The following NLRP13 variants were observed in gnomAD, a reference collection of about 807,000 sequenced individuals.
The protein encoded by NLRP13 is NACHT, LRR and PYD domains-containing protein 13.
In NLRP13, 82 loss-of-function variants were observed where a neutral mutation model predicts 94.4. The observed-to-expected ratio is 0.87, with a 90% CI of 0.73 to 1.04. NLRP13 has a LOEUF of 1.04. NLRP13 is among the 50% of genes least tolerant of loss of function. The pLI is 0.00. For synonymous variants in NLRP13, 553 were observed against 464.7 expected (o/e 1.19, Z -2.45); for missense variants, 1,426 against 1,230.8 (o/e 1.16, Z -2.37).
rs572719690 is a variant in NLRP13 at position 55,919,326 on chromosome 19, A to G, written c.523+4588T>C. Among the ~76,000 whole-genome samples, 4 of 152,224 alleles carry G rather than the reference A, an allele frequency of 2.6e-5. No homozygotes were observed. In the South Asian group the frequency reaches 8.3e-4, roughly 32 times the overall value. ...GAACTGGAACAAGACAAGGATGCCC[A>G]CTTTCACCACTCCTATTCAACACAA... On this transcript the variant is annotated intron_variant, in intron 4 of 10. Coordinates refer to ENST00000342929, the MANE Select transcript of NLRP13 (RefSeq NM_176810.2).
At chr19:55,906,720 C>T (rs944865688) in intron 7 of NLRP13, among the ~76,000 whole-genome samples, 5 of 150,064 alleles carry the variant, frequency 3.3e-5, no homozygotes, top group East Asian at 2.0e-4. Context: ...CGAGACAGAC[C>T]GTTACTCTTT....
downstream of NLRP13, among the ~76,000 whole-genome samples, chr19:55,892,500 C>T (rs1225616540): frequency 1.3e-5 from 2 of 152,166 alleles, no homozygotes; most frequent in African/African-American, 2.4e-5. Flanking sequence ...CGGCTCACTG[C>T]ACCCTCCACC....
chr19:55,930,294 G>T (rs990204650), intron 1 of NLRP13, among the ~76,000 whole-genome samples: 2 of 152,164 alleles, frequency 1.3e-5, no homozygotes, highest in Non-Finnish European at 2.9e-5. Context: ...AGCTGTCTGT[G>T]CCTCAGTTTC....
At position 55,898,933 on chromosome 19, in the gene NLRP13, A is replaced by G. The variant is rs1412057428; in HGVS notation, c.2794T>C (p.Ser932Pro). Residue 932 changes from serine (S) to proline (P), a missense_variant, in exon 10 of 11, where the codon TCA becomes CCA. By Grantham distance (74) the Ser-to-Pro change is moderately conservative. Coordinates refer to ENST00000342929, the MANE Select transcript of NLRP13 (RefSeq NM_176810.2). ...CCCTCTCTTGTGAAAGAACAACCTG[A>G]CAAACTGCAAAATAAAAACATACAA... ...PDGNLQSLNL[S>P]GCSFTREGCG... 1.2e-6 allele frequency: 2 copies of G among 1,606,656 alleles called. No individual in the cohort carries two copies. Among genetic ancestry groups the G allele is most frequent in the African/African-American group, 2.7e-5 (2 of 74,406 alleles).
chr19:55,899,716 G>A lies in NLRP13; in HGVS notation c.2790-779C>T, dbSNP rs1986113520. ...AATAGCTTAAACCCGGGAGGTGGAG[G>A]TTGCAGTGAGCCGAGATTGCACCAT... On this transcript the variant is annotated intron_variant, in intron 9 of 10. Coordinates refer to ENST00000342929, the MANE Select transcript of NLRP13 (RefSeq NM_176810.2). Among the ~76,000 whole-genome samples the A allele has an allele frequency of 7.2e-5, 11 of 152,252 alleles. No homozygotes were observed. In the South Asian group the frequency reaches 2.3e-3, roughly 32 times the overall value.
intron 6 of NLRP13, 36 bp downstream of exon 6, chr19:55,910,527 G>C (rs754449168): frequency 1.2e-5 from 18 of 1,525,918 alleles, no homozygotes; most frequent in Non-Finnish European, 1.5e-5. Context: ...GATTCTCCTA[G>C]GGTATCTTCT....
chr19:55,892,531 C>T (rs1395757942), downstream of NLRP13, among the ~76,000 whole-genome samples: 1 of 152,132 alleles, frequency 6.6e-6, no homozygotes, highest in Non-Finnish European at 1.5e-5. Flanking sequence ...CAGCGATTCT[C>T]CTGCCTTAGG....
chr19:55,899,476 A>ACC lies in NLRP13; in HGVS notation c.2790-541_2790-540dup, dbSNP rs200194920. 1.5e-4 allele frequency among the ~76,000 whole-genome samples: 22 copies of ACC among 148,326 alleles called. 1 individual carries two copies. The highest frequency in any genetic ancestry group is 2.5e-4 in the African/African-American group (10 of 40,320). ...AGAGTCATCCAAAATCCTTAAACCC[A>ACC]CCCCCCCCATCCCAAAAAGGTTTGG... On this transcript the variant is annotated intron_variant, in intron 9 of 10. Transcript: ENST00000342929.
Position 55,898,788 on chromosome 19 carries a change from C to G in NLRP13, c.2939G>C (p.Arg980Pro). Residue 980 changes from arginine to proline, a missense_variant, in exon 10 of 11, where the codon CGT (arginine) becomes CCT (proline). Physicochemically the swap from Arg to Pro is moderately radical, Grantham distance 103. Transcript: ENST00000342929. Reference protein sequence around the residue: ...KLLCEALKPHRALHTLGLAKC... With the variant: ...KLLCEALKPHPALHTLGLAKC... ...AACTCACCCAAGTGTGTGCAATGCA[C>G]GATGTGGTTTCAGAGCCTCACACAG... 1.2e-6 allele frequency: 2 copies of G among 1,609,896 alleles called. No individual in the cohort carries two copies. The highest frequency in any genetic ancestry group is 1.7e-6 in the Non-Finnish European group (2 of 1,178,304).
intron 4 of NLRP13, among the ~76,000 whole-genome samples, chr19:55,919,125 T>C (rs1386724126): frequency 6.6e-6 from 1 of 152,110 alleles, no homozygotes; most frequent in African/African-American, 2.4e-5. Context: ...AAAAACTATA[T>C]GATCATCTCT....
At chr19:55,910,853 G>A (rs936884231) in intron 5 of NLRP13, 120 bp from the exon 6 acceptor site, 30 of 919,374 alleles carry the variant, frequency 3.3e-5, no homozygotes, top group Non-Finnish European at 4.8e-5. Context: ...TCCTAATGTG[G>A]CTGGGTGCAG....
At chr19:55,925,103 C>T in intron 1 of NLRP13, 68 bp from the exon 2 acceptor site, 1 of 1,396,334 alleles carries the variant, frequency 7.2e-7, no homozygotes, top group Non-Finnish European at 1.0e-6. Context: ...ATAATGGAGT[C>T]TCTCAGTAGA....
chr19:55,912,398 A>C lies in NLRP13; in HGVS notation c.1419T>G (p.Asp473Glu), dbSNP rs1246773525. Residue 473 changes from aspartate to glutamate, a missense_variant, in exon 5 of 11, where the codon GAT becomes GAG. Physicochemically the swap from Asp to Glu is conservative, Grantham distance 45 (BLOSUM62 2). Coordinates refer to ENST00000342929, the MANE Select transcript of NLRP13 (RefSeq NM_176810.2). ...LFSTAEVDLA[D>E]DSWPGQWRAL... The stretch of plus-strand genomic sequence containing the variant: ...CCCTCCATTGTCCTGGCCAGCTGTC[A>C]TCTGCCAAATCTACCTCTGCTGTGG... The C allele has an allele frequency of 6.2e-7, 1 of 1,614,124 alleles. No homozygotes were observed. Among genetic ancestry groups the C allele is most frequent in the South Asian group, 1.1e-5 (1 of 91,078 alleles).
At chr19:55,901,420 G>GGGAGAGA (rs1986169287) in intron 9 of NLRP13, among the ~76,000 whole-genome samples, 2 of 152,268 alleles carry the variant, frequency 1.3e-5, no homozygotes, top group South Asian at 4.2e-4. Context: ...GGGAGAGTAA[G>GGGAGAGA]GGAGAGAGGG....
At chr19:55,904,166 C>T (rs1986270033) in intron 8 of NLRP13, among the ~76,000 whole-genome samples, 1 of 152,188 alleles carries the variant, frequency 6.6e-6, no homozygotes, top group South Asian at 2.1e-4. Flanking sequence ...GATCTCAGCT[C>T]ACTGAAACCT....
intron 8 of NLRP13, 59 bp from the exon 9 acceptor site, chr19:55,902,264 T>TGTTTTTAA: frequency 6.6e-7 from 1 of 1,507,770 alleles, no homozygotes. Context: ...CCCAGGCTCC[T>TGTTTTTAA]GGAACAGAGC....
intron 8 of NLRP13, 75 bp from the exon 9 acceptor site, chr19:55,902,280 G>C: frequency 1.5e-6 from 2 of 1,361,756 alleles, no homozygotes; most frequent in Non-Finnish European, 2.0e-6. Flanking sequence ...AGAGCCTCAG[G>C]GCCCCCTCCG....
downstream of NLRP13, among the ~76,000 whole-genome samples, chr19:55,892,682 A>G (rs1418549309): frequency 6.6e-6 from 1 of 152,080 alleles, no homozygotes; most frequent in Non-Finnish European, 1.5e-5. Flanking sequence ...CGGCCTCCCA[A>G]AGTGCTGGAA....
At chr19:55,895,493 G>A (rs1985982434), downstream of NLRP13, among the ~76,000 whole-genome samples, 4 of 152,258 alleles carry the variant, frequency 2.6e-5, no homozygotes, top group Admixed American at 2.0e-4. Context: ...GACCAGCCTG[G>A]CCACTACGGT....
Sources: gnomAD v4.1 joint callset for allele counts (sites outside exome capture counted in the v4.1 genomes callset) on GRCh38, gnomAD v4.1.1 for gene constraint, MANE v1.5 for transcripts, NCBI Gene and HGNC (gene_info 2026-07-23, HGNC 2026-07-21) for gene names.